The following DLG2 variants were observed in gnomAD, a reference collection of about 807,000 sequenced individuals.
DLG2 encodes discs large MAGUK scaffold protein 2.
A neutral mutation model predicts 132.5 loss-of-function variants in DLG2; 45 were observed. The observed-to-expected ratio is 0.34, with a 90% confidence interval of 0.27 to 0.44. The LOEUF (loss-of-function observed/expected upper bound fraction) is 0.44, where lower values mean the gene tolerates loss of function less well. Ranked by LOEUF, DLG2 falls within the 20% of genes least tolerant of loss-of-function variation. The pLI is 1.00. For missense variants in DLG2, 1,045 were observed against 1,196.9 expected, an observed-to-expected ratio of 0.87 and a Z score of 1.87; for synonymous variants, 424 against 419.6, an observed-to-expected ratio of 1.01 and a Z score of -0.13.
At chr11:84,819,889 A>C (rs2077488741) in intron 6 of DLG2, among the ~76,000 whole-genome samples, 1 of 151,692 alleles carries the variant, frequency 6.6e-6, no homozygotes, top group African/African-American at 2.4e-5. Context: ...GTAGGAGTGA[A>C]AGCTCCCCAG....
chr11:84,480,163 T>C (rs1332880657), intron 7 of DLG2, among the ~76,000 whole-genome samples: 3 of 152,186 alleles, frequency 2.0e-5, no homozygotes, highest in South Asian at 4.1e-4. Context: ...GAAAACAATA[T>C]GGAAATCTAT....
At chr11:84,819,064 C>T (rs1003258919) in intron 6 of DLG2, among the ~76,000 whole-genome samples, 2 of 128,844 alleles carry the variant, frequency 1.6e-5, no homozygotes, top group African/African-American at 5.7e-5. Context: ...CCCACACTCC[C>T]TCACTCACAA....
At chr11:84,158,662 A>G (rs2095482546) in intron 9 of DLG2, among the ~76,000 whole-genome samples, 3 of 152,342 alleles carry the variant, frequency 2.0e-5, no homozygotes, top group Admixed American at 6.5e-5. Flanking sequence ...AACGTTACAG[A>G]GGTTAAACAT....
chr11:84,776,330 A>AT (rs139376389), intron 6 of DLG2, among the ~76,000 whole-genome samples: 3 of 151,922 alleles, frequency 2.0e-5, no homozygotes, highest in East Asian at 1.9e-4. Flanking sequence ...TTTTTAAAAC[A>AT]TTTTTTTGTA....
intron 3 of DLG2, among the ~76,000 whole-genome samples, chr11:85,499,417 G>C (rs1200948208): frequency 6.6e-6 from 1 of 152,150 alleles, no homozygotes; most frequent in African/African-American, 2.4e-5. Flanking sequence ...TCTCTGAATA[G>C]ACCAATAATA....
At chr11:85,072,117 T>C (rs187226286) in intron 6 of DLG2, among the ~76,000 whole-genome samples, 1 of 151,996 alleles carries the variant, frequency 6.6e-6, no homozygotes, top group East Asian at 1.9e-4. Flanking sequence ...ATTGTCCTCA[T>C]TGTTACAATT....
At chr11:84,046,461 C>T in intron 11 of DLG2, among the ~76,000 whole-genome samples, 1 of 151,504 alleles carries the variant, frequency 6.6e-6, no homozygotes, top group East Asian at 1.9e-4. Context: ...CTACTAAAAA[C>T]TCAATGACTA....
chr11:84,233,026 C>A (rs933260691), intron 8 of DLG2, among the ~76,000 whole-genome samples: 1 of 152,186 alleles, frequency 6.6e-6, no homozygotes, highest in Non-Finnish European at 1.5e-5. Context: ...GGAAACTTCA[C>A]AACCTCAAAG....
chr11:85,129,629 A>G (rs2075494489), intron 5 of DLG2, among the ~76,000 whole-genome samples: 1 of 152,192 alleles, frequency 6.6e-6, no homozygotes, highest in African/African-American at 2.4e-5. Flanking sequence ...AAATTCAACC[A>G]TTGTGGAAGA....
At chr11:85,094,974 GT>G (rs1313674826) in intron 6 of DLG2, among the ~76,000 whole-genome samples, 1 of 152,112 alleles carries the variant, frequency 6.6e-6, no homozygotes, top group Non-Finnish European at 1.5e-5. Flanking sequence ...CCATTGTAAG[GT>G]TATTACCTGA....
At chr11:84,000,941 T>C (rs2094314560) in intron 11 of DLG2, among the ~76,000 whole-genome samples, 1 of 151,604 alleles carries the variant, frequency 6.6e-6, no homozygotes, top group African/African-American at 2.4e-5. Context: ...AAAGCACACA[T>C]ACAAAGGAAA....
rs1367177998 is a variant in DLG2 at position 84,373,263 on chromosome 11, AACAAAAC to A, written c.520-121979_520-121973del. On this transcript the variant is annotated intron_variant, in intron 7 of 27. Transcript: ENST00000376104. Reference sequence around the variant, plus strand: ...TAAGAAACAGTCAAAAAAAAAAAAAAACAAAACAAAAAAAAAACCCACCAGGCCCGGC... The same window carrying A: ...TAAGAAACAGTCAAAAAAAAAAAAAAAAAAAAAAAACCCACCAGGCCCGGC... 9.4e-5 allele frequency among the ~76,000 whole-genome samples: 10 copies of A among 106,454 alleles called. 1 individual carries two copies. The highest frequency in any genetic ancestry group is 4.7e-4 in the African/African-American group (10 of 21,300). The allele number at this position is 106,454 out of a possible 152,430, so 69.8% of individuals were successfully genotyped here. A position where few individuals can be genotyped will look rare whatever the true frequency, so the allele number is the denominator to read the frequency against.
chr11:84,513,579 A>G (rs1265295993), intron 7 of DLG2, among the ~76,000 whole-genome samples: 1 of 152,132 alleles, frequency 6.6e-6, no homozygotes, highest in Admixed American at 6.6e-5. Flanking sequence ...AAGAACATAC[A>G]TTGAGGAAAA....
intron 9 of DLG2, among the ~76,000 whole-genome samples, chr11:84,127,375 T>C (rs2094222719): frequency 6.6e-6 from 1 of 152,222 alleles, no homozygotes; most frequent in Non-Finnish European, 1.5e-5. Flanking sequence ...CTAATCCTTC[T>C]TCTGCTAAAG....
chr11:84,952,460 T>G (rs1255897612), intron 6 of DLG2, among the ~76,000 whole-genome samples: 1 of 151,856 alleles, frequency 6.6e-6, no homozygotes, highest in Non-Finnish European at 1.5e-5. Flanking sequence ...GAGCTTGCAG[T>G]GAGCGGAGAT....
At chr11:84,692,265 G>A (rs559908029) in intron 6 of DLG2, among the ~76,000 whole-genome samples, 66 of 151,742 alleles carry the variant, frequency 4.3e-4, no homozygotes, top group African/African-American at 1.5e-3. Context: ...AATTTAGCAT[G>A]GTATGCTAAG....
At chr11:84,172,171 C>A (rs2095839900) in intron 8 of DLG2, among the ~76,000 whole-genome samples, 1 of 152,036 alleles carries the variant, frequency 6.6e-6, no homozygotes, top group South Asian at 2.1e-4. Flanking sequence ...TTGTTTAGAA[C>A]CTGTTTTAAT....
intron 6 of DLG2, among the ~76,000 whole-genome samples, chr11:84,957,253 T>C (rs1416822276): frequency 6.6e-6 from 1 of 152,198 alleles, no homozygotes; most frequent in Non-Finnish European, 1.5e-5. Flanking sequence ...ATTACCTCAA[T>C]ACTATAACAC....
intron 14 of DLG2, among the ~76,000 whole-genome samples, chr11:83,962,250 C>T (rs2089029213): frequency 1.3e-5 from 2 of 151,962 alleles, no homozygotes; most frequent in South Asian, 2.1e-4. Context: ...AAAACATAAA[C>T]TCATTTTGTA....
Sources: allele counts gnomAD v4.1 joint callset (sites outside exome capture counted in the v4.1 genomes callset), GRCh38; gene constraint gnomAD v4.1.1; transcripts MANE v1.5; gene names NCBI Gene and HGNC (gene_info 2026-07-23, HGNC 2026-07-21).